USP8: variants seen among roughly 807,000 people sequenced by gnomAD.
The protein encoded by USP8 is ubiquitin specific peptidase 8, also known as ubiquitin carboxyl-terminal hydrolase 8.
In USP8, 27 loss-of-function variants were observed where a neutral mutation model predicts 130.0. The observed-to-expected ratio is 0.21, with a 90% CI of 0.15 to 0.29. USP8 has a LOEUF of 0.29. Among genes scored for constraint, USP8 ranks in the 10% least tolerant of loss-of-function variants. The probability of loss-of-function intolerance (pLI) is 1.00; values close to 1 mark genes in which losing one functional copy is unlikely to be tolerated. For synonymous variants in USP8, 392 were observed against 444.1 expected (o/e 0.88, Z 1.48); for missense variants, 1,029 against 1,312.2 (o/e 0.78, Z 3.33).
intron 12 of USP8, 112 bp from the exon 13 acceptor site, chr15:50,489,689 G>GT (rs1371300044): frequency 4.7e-6 from 3 of 643,652 alleles, no homozygotes; most frequent in Non-Finnish European, 7.0e-6. Context: ...CCAAGGCAAG[G>GT]TTTTTTGATT....
rs1375115908 is a variant in USP8, at chr15:50,512,050, A to G, written c.*12962A>G. 1 of 152,222 alleles carries G rather than the reference A, an allele frequency of 6.6e-6. No individual in the cohort carries two copies. Among genetic ancestry groups the G allele is most frequent in the East Asian group, 1.9e-4 (1 of 5,182 alleles). The allele number at this position is 152,222 out of a possible 1,614,324, so 9.4% of individuals were successfully genotyped here. ...TACGCAGAATAGGCACATCTATAGA[A>G]ATATATAAAGTAGAGGCCAGGAGAA... is the stretch of plus-strand genomic sequence containing the variant. On this transcript the variant is annotated 3_prime_UTR_variant, in exon 20 of 20. Transcript: ENST00000307179.
chr15:50,474,618 G>A (rs1343643023), intron 8 of USP8, among the ~76,000 whole-genome samples: 1 of 152,194 alleles, frequency 6.6e-6, no homozygotes, highest in Admixed American at 6.5e-5. Flanking sequence ...AAGATGGATT[G>A]AAATGAATGG....
intron 14 of USP8, among the ~76,000 whole-genome samples, chr15:50,491,275 T>C (rs1410811144): frequency 6.6e-6 from 1 of 152,242 alleles, no homozygotes; most frequent in African/African-American, 2.4e-5. Context: ...TAAGGAATTT[T>C]AATTAGGCTC....
chr15:50,474,747 A>G (rs754318561), intron 8 of USP8, among the ~76,000 whole-genome samples: 1 of 152,226 alleles, frequency 6.6e-6, no homozygotes, highest in Admixed American at 6.5e-5. Context: ...ACAGCGAACT[A>G]TTAGGAGAAA....
At chr15:50,439,862 C>T (rs1015474193) in intron 2 of USP8, among the ~76,000 whole-genome samples, 5 of 150,838 alleles carry the variant, frequency 3.3e-5, no homozygotes, top group African/African-American at 4.9e-5. Flanking sequence ...CCAAGGTGGG[C>T]GGATCACCTG....
chr15:50,461,303 T>C lies in USP8; in HGVS notation c.499-977T>C, dbSNP rs573186233. Reference sequence around the variant, plus strand: ...CACCGTGCCTGGCCTCTACAAACATTTTTTAAAAAATTAGCCAGTCATGAT... The same window carrying C: ...CACCGTGCCTGGCCTCTACAAACATCTTTTAAAAAATTAGCCAGTCATGAT... On this transcript the variant is annotated intron_variant, in intron 5 of 19. Coordinates refer to ENST00000307179, the MANE Select transcript of USP8 (RefSeq NM_005154.5). Among the ~76,000 whole-genome samples, 4 of 151,780 alleles carry C rather than the reference T, an allele frequency of 2.6e-5. No homozygotes were observed. In the East Asian group the frequency reaches 7.8e-4, roughly 30 times the overall value.
intron 10 of USP8, among the ~76,000 whole-genome samples, 175 bp downstream of exon 10, chr15:50,477,674 C>G (rs188511320): frequency 1.3e-5 from 2 of 151,890 alleles, no homozygotes; most frequent in Non-Finnish European, 2.9e-5. Flanking sequence ...ACCCCCCTCT[C>G]TACTAATAAT....
intron 9 of USP8, 134 bp from the exon 10 acceptor site, chr15:50,477,142 A>G (rs1566873634): frequency 7.5e-7 from 1 of 1,331,818 alleles, no homozygotes; most frequent in Non-Finnish European, 1.0e-6. Flanking sequence ...GGAAGTTCAC[A>G]TTTTCTTTAA....
chr15:50,480,992 G>A (rs2051745719), intron 10 of USP8, among the ~76,000 whole-genome samples: 1 of 151,718 alleles, frequency 6.6e-6, no homozygotes, highest in Non-Finnish European at 1.5e-5. Context: ...TGGGACTCAG[G>A]TTTTTGATTT....
At chr15:50,497,338 G>A (rs2052455949) in intron 18 of USP8, 107 bp downstream of exon 18, 33 of 1,365,020 alleles carry the variant, frequency 2.4e-5, no homozygotes, top group Non-Finnish European at 3.1e-5. Context: ...CATAACAAAG[G>A]GCGATTATCT....
At chr15:50,424,623 G>C (rs2049636921) in intron 1 of USP8, 109 bp downstream of exon 1, 1 of 397,128 alleles carries the variant, frequency 2.5e-6, no homozygotes, top group Admixed American at 4.4e-5. Flanking sequence ...GACAAGCTCT[G>C]TCCGCGGAGA....
intron 1 of USP8, among the ~76,000 whole-genome samples, chr15:50,433,124 C>G (rs1248911559): frequency 6.6e-6 from 1 of 152,006 alleles, no homozygotes; most frequent in Non-Finnish European, 1.5e-5. Context: ...CGCCTGTAAT[C>G]TCAGTTACTT....
Position 50,489,808 on chromosome 15 carries a change from G to A in USP8, c.1898G>A (p.Arg633Gln), listed in dbSNP as rs138584718. The A allele has an allele frequency of 1.9e-5, 29 of 1,526,992 alleles. No homozygotes were observed. Among genetic ancestry groups the A allele is most frequent in the East Asian group, 2.4e-5 (1 of 41,412 alleles). 94.6% of individuals were successfully genotyped at this position (1,526,992 alleles called of 1,614,324 possible). ...TDDTERNKAQREPLTRARSEE... is the reference protein window; with the variant it reads ...TDDTERNKAQQEPLTRARSEE... ...TTATTTTATTTTAATTAGGCTCAAC[G>A]AGAACCTTTGACAAGAGCACGAAGT... The change falls in exon 13 of 20, where the codon CGA becomes CAA. Residue 633 changes from arginine to glutamine, a missense_variant. Physicochemically the swap from Arg to Gln is conservative, Grantham distance 43. This residue lies in a region of USP8 where 486 missense variants were observed against 522.0 expected (regional missense o/e 0.93). Transcript: ENST00000307179.
chr15:50,469,831 A>ATTT lies in USP8; in HGVS notation c.687-1785_687-1783dup, dbSNP rs35172083. 1.2e-3 allele frequency among the ~76,000 whole-genome samples: 163 copies of ATTT among 136,040 alleles called. 3 individuals are homozygous for ATTT. Among genetic ancestry groups the ATTT allele is most frequent in the South Asian group, 0.01 (43 of 4,184 alleles). The allele number at this position is 136,040 out of a possible 152,430, so 89.2% of individuals were successfully genotyped here. A position where few individuals can be genotyped will look rare whatever the true frequency, so the allele number is the denominator to read the frequency against. ...TTCACTCATTCAATTATTAAATCCA[A>ATTT]TTTTTTTTTTTTTTTTTTTGAGACA... On this transcript the variant is annotated intron_variant, in intron 7 of 19. Transcript: ENST00000307179.
In USP8 at chr15:50,500,549, T is replaced by C; in HGVS notation, c.*1461T>C. On this transcript the variant is annotated 3_prime_UTR_variant, in exon 20 of 20. Coordinates refer to ENST00000307179, the MANE Select transcript of USP8 (RefSeq NM_005154.5). ...AACATGCCCACAAGGCATAAAAATG[T>C]TAATGATGCAAGTAAGTTCTAAGAG... is the stretch of plus-strand genomic sequence containing the variant. 1 of 474,072 alleles carries C rather than the reference T, an allele frequency of 2.1e-6. No individual in the cohort carries two copies. 29.4% of individuals were successfully genotyped at this position (474,072 alleles called of 1,614,324 possible).
intron 12 of USP8, among the ~76,000 whole-genome samples, chr15:50,487,400 CTCT>C (rs746478918): frequency 1.1e-4 from 16 of 152,140 alleles, no homozygotes; most frequent in Admixed American, 9.8e-4. Context: ...CACATGCCTT[CTCT>C]TCTTCTGACA....
At chr15:50,437,127 T>C (rs1258121724) in intron 1 of USP8, among the ~76,000 whole-genome samples, 2 of 152,222 alleles carry the variant, frequency 1.3e-5, no homozygotes, top group African/African-American at 4.8e-5. Flanking sequence ...ACGTTTGCGT[T>C]GTTATGCTCA....
chr15:50,442,235 AAG>A (rs1426625108), intron 3 of USP8, among the ~76,000 whole-genome samples: 2 of 152,056 alleles, frequency 1.3e-5, no homozygotes, highest in Non-Finnish European at 2.9e-5. Flanking sequence ...CGGCCTCCCA[AAG>A]TGCTGGGATT....
chr15:50,464,636 C>T (rs931709038), intron 6 of USP8, among the ~76,000 whole-genome samples: 4 of 152,158 alleles, frequency 2.6e-5, no homozygotes, highest in Non-Finnish European at 5.9e-5. Context: ...GTGGGCAGAT[C>T]GCTTGAGGTC....
Sources: gnomAD v4.1 joint callset for allele counts (sites outside exome capture counted in the v4.1 genomes callset) on GRCh38, gnomAD v4.1.1 for gene constraint, gnomAD v4.1.1 regional missense constraint, MANE v1.5 for transcripts, NCBI Gene and HGNC (gene_info 2026-07-23, HGNC 2026-07-21) for gene names.